Variants in ADAMTSL1 observed in about 807,000 individuals in gnomAD.
ADAMTSL1 encodes the protein ADAMTS-like protein 1.
ADAMTSL1 carries 126 observed loss-of-function variants against 201.8 expected under a neutral mutation model. The ratio of observed to expected loss-of-function variants is 0.62; its 90% confidence interval spans 0.54 to 0.72. ADAMTSL1 has a LOEUF of 0.72. ADAMTSL1 is among the 30% of genes least tolerant of loss of function. The pLI, the probability that ADAMTSL1 is intolerant of heterozygous loss-of-function variation, is 0.00. For synonymous variants in ADAMTSL1, 1,121 were observed against 903.4 expected, an observed-to-expected ratio of 1.24 and a Z score of -4.32; for missense variants, 2,679 against 2,277.8, an observed-to-expected ratio of 1.18 and a Z score of -3.59.
chr9:18,905,102 C>A (rs1462256383), intron 26 of ADAMTSL1, among the ~76,000 whole-genome samples: 1 of 152,196 alleles, frequency 6.6e-6, no homozygotes, highest in East Asian at 1.9e-4. Context: ...GGATGCGTAT[C>A]CTCTTGTTTT....
chr9:18,466,673 T>G (rs566121577), intron 2 of ADAMTSL1, among the ~76,000 whole-genome samples: 2 of 152,084 alleles, frequency 1.3e-5, no homozygotes, highest in African/African-American at 2.4e-5. Flanking sequence ...ATACTACAAA[T>G]TAAATTTAGT....
chr9:18,527,001 A>C (rs1819111154), intron 2 of ADAMTSL1, among the ~76,000 whole-genome samples: 1 of 152,176 alleles, frequency 6.6e-6, no homozygotes, highest in African/African-American at 2.4e-5. Flanking sequence ...ATAGGCTTGT[A>C]TTCACAGTGC....
intron 19 of ADAMTSL1, among the ~76,000 whole-genome samples, chr9:18,786,964 C>T (rs774771365): frequency 1.3e-5 from 2 of 152,174 alleles, no homozygotes; most frequent in Non-Finnish European, 2.9e-5. Flanking sequence ...CTCAGAGTAT[C>T]AGCAGATGGA....
intron 2 of ADAMTSL1, among the ~76,000 whole-genome samples, chr9:18,355,324 T>C (rs2133047750): frequency 6.6e-6 from 1 of 152,314 alleles, no homozygotes; most frequent in East Asian, 1.9e-4. Context: ...AAATTTTTTA[T>C]AACAAGTCTA....
intron 1 of ADAMTSL1, among the ~76,000 whole-genome samples, chr9:17,954,744 A>G (rs905707806): frequency 6.6e-6 from 1 of 152,184 alleles, no homozygotes; most frequent in Non-Finnish European, 1.5e-5. Context: ...GTCTAAGTTA[A>G]CAACCTTAAG....
intron 7 of ADAMTSL1, among the ~76,000 whole-genome samples, chr9:18,653,151 C>T (rs1001078995): frequency 1.3e-5 from 2 of 152,206 alleles, no homozygotes; most frequent in Non-Finnish European, 1.5e-5. Context: ...GCCCATCACA[C>T]AGCTAGGTTT....
At chr9:18,552,536 A>G (rs1301941385) in intron 3 of ADAMTSL1, among the ~76,000 whole-genome samples, 1 of 151,776 alleles carries the variant, frequency 6.6e-6, no homozygotes, top group Non-Finnish European at 1.5e-5. Context: ...TCTGGAGTGT[A>G]AATTTCTATA....
intron 2 of ADAMTSL1, among the ~76,000 whole-genome samples, chr9:18,248,464 A>G (rs1248219853): frequency 2.0e-5 from 3 of 152,024 alleles, no homozygotes; most frequent in African/African-American, 7.3e-5. Flanking sequence ...ACACTGTTCT[A>G]TGTTATTTGA....
At chr9:18,327,276 C>T (rs909972871) in intron 2 of ADAMTSL1, among the ~76,000 whole-genome samples, 9 of 152,206 alleles carry the variant, frequency 5.9e-5, no homozygotes, top group Non-Finnish European at 1.2e-4. Flanking sequence ...GGGTGTTTGG[C>T]ATGATGTCAC....
chr9:18,880,167 A>C (rs769303083), intron 23 of ADAMTSL1, among the ~76,000 whole-genome samples: 2 of 152,158 alleles, frequency 1.3e-5, no homozygotes, highest in Non-Finnish European at 2.9e-5. Flanking sequence ...TGAAGTTTTG[A>C]ACCCCTCAAA....
At chr9:18,564,772 G>A (rs1324990013) in intron 3 of ADAMTSL1, among the ~76,000 whole-genome samples, 5 of 152,240 alleles carry the variant, frequency 3.3e-5, no homozygotes, top group Middle Eastern at 3.4e-3. Flanking sequence ...ATAATAGAAG[G>A]TCAGAAATGC....
chr9:18,319,748 T>C (rs777271280), intron 2 of ADAMTSL1, among the ~76,000 whole-genome samples: 1 of 152,272 alleles, frequency 6.6e-6, no homozygotes, highest in South Asian at 2.1e-4. Context: ...ATAGAGTCTA[T>C]GGTTGGCAGA....
intron 2 of ADAMTSL1, among the ~76,000 whole-genome samples, chr9:18,282,258 G>T (rs892951839): frequency 1.3e-5 from 2 of 152,076 alleles, no homozygotes; most frequent in African/African-American, 4.8e-5. Flanking sequence ...TCTTTTTATG[G>T]CTGGATAGTA....
intron 2 of ADAMTSL1, among the ~76,000 whole-genome samples, chr9:18,296,838 G>A: frequency 6.6e-6 from 1 of 152,168 alleles, no homozygotes; most frequent in Non-Finnish European, 1.5e-5. Context: ...GGAGGTCAAT[G>A]TAATTAAGAA....
chr9:18,628,830 T>C (rs1826558520), intron 5 of ADAMTSL1, among the ~76,000 whole-genome samples: 1 of 152,216 alleles, frequency 6.6e-6, no homozygotes, highest in Non-Finnish European at 1.5e-5. Context: ...GTATTTTTTG[T>C]AACTATTGCA....
chr9:18,256,465 T>C (rs772487304), intron 2 of ADAMTSL1, among the ~76,000 whole-genome samples: 4 of 152,176 alleles, frequency 2.6e-5, no homozygotes, highest in Admixed American at 6.5e-5. Flanking sequence ...AGGATATAGA[T>C]GCTTAATGGA....
At chr9:18,490,639 G>C (rs546684557) in intron 1 of ADAMTSL1, among the ~76,000 whole-genome samples, 1 of 152,266 alleles carries the variant, frequency 6.6e-6, no homozygotes, top group African/African-American at 2.4e-5. Context: ...GAGAACAGGG[G>C]CCTGAGGAAA....
At position 18,905,832 on chromosome 9, in the gene ADAMTSL1, C is replaced by T; in HGVS notation, c.4902C>T (p.Val1634=). ...ACCTAGCTGTGCAACACAGACAAGT[C>T]TTCTGCCAGACACGGGATGGCATCA... ...GPHLAVQHRQ[V]FCQTRDGITL... is the part of the protein sequence containing the mutation. The change falls in exon 27 of 29, where the codon GTC becomes GTT. Residue 1634 remains valine (V), a synonymous_variant. Coordinates refer to ENST00000380548, the MANE Select transcript of ADAMTSL1 (RefSeq NM_001040272.6). 2 of 1,613,740 alleles carry T rather than the reference C, an allele frequency of 1.2e-6. No homozygotes were observed. Among genetic ancestry groups the T allele is most frequent in the East Asian group, 2.2e-5 (1 of 44,876 alleles).
chr9:18,906,885 C>T lies in ADAMTSL1; in HGVS notation c.5155C>T (p.Arg1719Cys), dbSNP rs746731054. 21 of 1,613,834 alleles carry T rather than the reference C, an allele frequency of 1.3e-5. No individual in the cohort carries two copies. The highest frequency in any genetic ancestry group is 3.3e-5 in the South Asian group (3 of 91,078). ...GGGGCCCCGGCCTGCCAACTGGCAG[C>T]GCTGCAACATCACCCCATGTGAAAA... ...SWGPRPANWQRCNITPCENME... is the reference protein window; with the variant it reads ...SWGPRPANWQCCNITPCENME... The change falls in exon 28 of 29, where the codon CGC becomes TGC. Residue 1719 changes from arginine (R) to cysteine (C), a missense_variant. Arg to Cys is a radical substitution (Grantham distance 180, BLOSUM62 -3). Coordinates refer to ENST00000380548, the MANE Select transcript of ADAMTSL1 (RefSeq NM_001040272.6).
Sources: allele counts gnomAD v4.1 joint callset (sites outside exome capture counted in the v4.1 genomes callset), GRCh38; gene constraint gnomAD v4.1.1; transcripts MANE v1.5; gene names NCBI Gene and HGNC (gene_info 2026-07-23, HGNC 2026-07-21).